Variants in LRRC3C observed in about 807,000 individuals in gnomAD.
LRRC3C encodes leucine-rich repeat-containing protein 3C.
LRRC3C carries 11 observed loss-of-function variants against 14.8 expected under a neutral mutation model. The observed-to-expected ratio is 0.74, with a 90% CI of 0.47 to 1.23. The LOEUF (loss-of-function observed/expected upper bound fraction) is 1.23. Ranked by LOEUF, LRRC3C falls within the 50% of genes most tolerant of loss-of-function variation. LRRC3C has a pLI of 0.00. For synonymous variants in LRRC3C, 149 were observed against 161.5 expected (o/e 0.92, Z 0.59); for missense variants, 354 against 361.8 (o/e 0.98, Z 0.18).
At chr17:39,939,287 G>A (rs930425154) in intron 2 of LRRC3C, 5 of 903,790 alleles carry the variant, frequency 5.5e-6, no homozygotes, top group Non-Finnish European at 6.6e-6. Context: ...TAGGAGGGAA[G>A]GGATGATTCT....
chr17:39,939,282 G>A, intron 2 of LRRC3C: 1 of 876,478 alleles, frequency 1.1e-6, no homozygotes, highest in Non-Finnish European at 1.4e-6. Flanking sequence ...GGTAGTAGGA[G>A]GGAAGGGATG....
intron 1 of LRRC3C, among the ~76,000 whole-genome samples, chr17:39,932,960 G>A (rs527536105): frequency 1.1e-4 from 16 of 152,050 alleles, no homozygotes; most frequent in African/African-American, 3.6e-4. Context: ...ACTGAGGTGG[G>A]AGAATTGCTT....
intron 3 of LRRC3C, among the ~76,000 whole-genome samples, chr17:39,943,572 T>A (rs1478155086): frequency 6.6e-6 from 1 of 151,986 alleles, no homozygotes; most frequent in Non-Finnish European, 1.5e-5. Context: ...CCCAGGTAGG[T>A]AGGGGAAGAA....
At chr17:39,931,644 T>C (rs1978652796) in intron 1 of LRRC3C, among the ~76,000 whole-genome samples, 2 of 133,990 alleles carry the variant, frequency 1.5e-5, no homozygotes, top group South Asian at 2.3e-4. Context: ...TTATTTTCTA[T>C]ACTTTTTTTT....
chr17:39,938,000 C>T (rs570481040), intron 2 of LRRC3C, among the ~76,000 whole-genome samples: 29 of 152,220 alleles, frequency 1.9e-4, no homozygotes, highest in Non-Finnish European at 3.1e-4. Flanking sequence ...GGCATAGTGG[C>T]GTGTGCCTGT....
chr17:39,932,518 C>T (rs922953513), intron 1 of LRRC3C, among the ~76,000 whole-genome samples: 7 of 132,444 alleles, frequency 5.3e-5, no homozygotes, highest in East Asian at 2.3e-4. Flanking sequence ...AGCCTGGCAA[C>T]GTAATGAGAC....
At chr17:39,938,479 G>A (rs562800735) in intron 2 of LRRC3C, among the ~76,000 whole-genome samples, 16 of 151,576 alleles carry the variant, frequency 1.1e-4, no homozygotes, top group Admixed American at 6.6e-4. Flanking sequence ...GGCCAAGGCA[G>A]GAGCCTTAGG....
At chr17:39,943,456 G>A (rs1024254851) in intron 3 of LRRC3C, among the ~76,000 whole-genome samples, 6 of 152,168 alleles carry the variant, frequency 3.9e-5, no homozygotes, top group African/African-American at 1.4e-4. Flanking sequence ...CTAGTCACCT[G>A]GCCTAGCTGG....
In LRRC3C at chr17:39,944,713, C is replaced by T. The variant is rs1364063833; in HGVS notation, c.807C>T (p.Ser269=). Residue 269 remains serine, a synonymous_variant, in exon 4 of 4, where the codon TCC becomes TCT. Coordinates refer to ENST00000377924, the MANE Select transcript of LRRC3C (RefSeq NM_001195545.2). The part of the protein sequence containing the change: ...PVLPVRSEDS[S]ILSTVV ...TGCCCGTGCGTTCCGAGGACTCCTC[C>T]ATCCTCAGCACAGTGGTCTGATGAC... 6.5e-7 allele frequency: 1 copy of T among 1,536,012 alleles called. No homozygotes were observed. The highest frequency in any genetic ancestry group is 1.2e-5 in the South Asian group (1 of 84,050).
chr17:39,942,341 G>A (rs62068169), intron 3 of LRRC3C, among the ~76,000 whole-genome samples: 12,879 of 152,240 alleles, frequency 0.085, 746 homozygotes, highest in Non-Finnish European at 0.12. Flanking sequence ...ATTAGGAGAG[G>A]GTGGTATCAC....
intron 2 of LRRC3C, among the ~76,000 whole-genome samples, chr17:39,940,412 T>A (rs549163856): frequency 1.5e-4 from 23 of 152,192 alleles, no homozygotes; most frequent in Middle Eastern, 3.4e-3. Flanking sequence ...TTAAAATTCT[T>A]TTTTATTTTT....
chr17:39,944,840 C>A lies in LRRC3C; in HGVS notation c.*106C>A. On this transcript the variant is annotated 3_prime_UTR_variant, in exon 4 of 4. Transcript: ENST00000377924. The stretch of plus-strand genomic sequence containing the variant: ...GTGCAGCTTCACCCCTGCCCCCAAG[C>A]CCATCCCACCCCTCCCTCCTTTATT... 1.1e-6 allele frequency: 1 copy of A among 892,698 alleles called. No homozygotes were observed. Among genetic ancestry groups the A allele is most frequent in the Non-Finnish European group, 1.7e-6 (1 of 590,474 alleles). The allele number at this position is 892,698 out of a possible 1,614,324, so 55.3% of individuals were successfully genotyped here. A position where few individuals can be genotyped will look rare whatever the true frequency, so the allele number is the denominator to read the frequency against.
chr17:39,937,695 A>G (rs2144763392), intron 2 of LRRC3C, among the ~76,000 whole-genome samples: 1 of 152,168 alleles, frequency 6.6e-6, no homozygotes, highest in South Asian at 2.1e-4. Flanking sequence ...ATCAAATGTC[A>G]CTCCTTGGTG....
At chr17:39,940,884 G>C (rs544349929) in intron 2 of LRRC3C, among the ~76,000 whole-genome samples, 35 of 152,248 alleles carry the variant, frequency 2.3e-4, no homozygotes, top group Middle Eastern at 3.4e-3. Flanking sequence ...TGGGATTACA[G>C]GTGTGTGCCA....
chr17:39,933,676 T>C (rs1032814646), intron 1 of LRRC3C, among the ~76,000 whole-genome samples: 7 of 151,826 alleles, frequency 4.6e-5, no homozygotes, highest in Non-Finnish European at 1.0e-4. Flanking sequence ...GAGCTTGCAG[T>C]GAGCCGAGAT....
chr17:39,939,831 C>A (rs1342680270), intron 2 of LRRC3C, among the ~76,000 whole-genome samples: 1 of 152,226 alleles, frequency 6.6e-6, no homozygotes, highest in East Asian at 1.9e-4. Context: ...ATCTGCAGCT[C>A]CAGCTGGGCT....
intron 3 of LRRC3C, 128 bp downstream of exon 3, chr17:39,941,677 C>CAAGG (rs1296335831): frequency 1.3e-6 from 1 of 797,626 alleles, no homozygotes; most frequent in Non-Finnish European, 2.0e-6. Flanking sequence ...GCTCAACGTG[C>CAAGG]AAGGATGTAG....
intron 2 of LRRC3C, chr17:39,939,408 C>A: frequency 3.0e-6 from 3 of 985,412 alleles, no homozygotes; most frequent in Non-Finnish European, 3.6e-6. Context: ...GTGCCTCCCT[C>A]CAGACCATCA....
chr17:39,943,891 C>A, intron 3 of LRRC3C, 42 bp from the exon 4 acceptor site: 1 of 1,528,862 alleles, frequency 6.5e-7, no homozygotes, highest in South Asian at 1.2e-5. Flanking sequence ...GCATGCGATT[C>A]TCTTGACTCA....
Sources: allele counts gnomAD v4.1 joint callset (sites outside exome capture counted in the v4.1 genomes callset), GRCh38; gene constraint gnomAD v4.1.1; transcripts MANE v1.5; gene names NCBI Gene and HGNC (gene_info 2026-07-23, HGNC 2026-07-21).